The following ZNF41 variants were observed in gnomAD, a reference collection of about 807,000 sequenced individuals.
The protein encoded by ZNF41 is zinc finger protein 41.
A neutral mutation model predicts 9.3 loss-of-function variants in ZNF41; 6 were observed. The observed-to-expected ratio is 0.65, with a 90% CI of 0.35 to 1.28. The LOEUF (loss-of-function observed/expected upper bound fraction) is 1.28, where lower values mean the gene tolerates loss of function less well. ZNF41 is among the 50% of genes most tolerant of loss of function. ZNF41 has a pLI of 0.03. For synonymous variants in ZNF41, 192 were observed against 207.1 expected, an observed-to-expected ratio of 0.93 and a Z score of 0.63; for missense variants, 523 against 585.8, an observed-to-expected ratio of 0.89 and a Z score of 1.11.
chrX:47,453,008 A>T (rs2056423992), intron 4 of ZNF41, among the ~76,000 whole-genome samples: 1 of 112,626 alleles, frequency 8.9e-6, no homozygotes, highest in South Asian at 3.7e-4. Context: ...ATTTCAAAAC[A>T]TCATGTTGTA....
intron 4 of ZNF41, 33 bp downstream of exon 4, chrX:47,455,888 A>T: frequency 8.6e-7 from 1 of 1,161,902 alleles, no homozygotes; most frequent in Non-Finnish European, 1.2e-6. Flanking sequence ...ACTGACTTCC[A>T]TGTCCCCATC....
chrX:47,459,764 A>AAAAAAAAAAG (rs1456368840), intron 2 of ZNF41, among the ~76,000 whole-genome samples: 2 of 101,116 alleles, frequency 2.0e-5, no homozygotes, highest in African/African-American at 8.2e-5. Flanking sequence ...AAAAAAAAAA[A>AAAAAAAAAAG]AAAGAAAGAA....
chrX:47,465,223 T>C (rs181145602), intron 2 of ZNF41, among the ~76,000 whole-genome samples: 49 of 112,556 alleles, frequency 4.4e-4, no homozygotes, highest in African/African-American at 1.6e-3. Context: ...ATCATAGCAG[T>C]TTTAATCACA....
At chrX:47,453,728 G>A (rs1032695406) in intron 4 of ZNF41, among the ~76,000 whole-genome samples, 10 of 112,047 alleles carry the variant, frequency 8.9e-5, no homozygotes, top group African/African-American at 3.2e-4. Flanking sequence ...AAAAACAATG[G>A]AATCAGCAAA....
intron 2 of ZNF41, among the ~76,000 whole-genome samples, chrX:47,462,683 G>A (rs2056840382): frequency 9.1e-6 from 1 of 110,320 alleles, no homozygotes; most frequent in Non-Finnish European, 1.9e-5. Flanking sequence ...CTAATCTCTA[G>A]TCTCCTGATT....
At chrX:47,465,962 T>A (rs1269721404) in intron 2 of ZNF41, among the ~76,000 whole-genome samples, 1 of 111,912 alleles carries the variant, frequency 8.9e-6, no homozygotes, top group Non-Finnish European at 1.9e-5. Context: ...TGATTCTGTT[T>A]TAAAACTTTA....
intron 1 of ZNF41, among the ~76,000 whole-genome samples, chrX:47,480,934 G>C (rs2057455432): frequency 9.1e-6 from 1 of 109,944 alleles, no homozygotes; most frequent in Admixed American, 9.9e-5. Flanking sequence ...AAAGTAGTTT[G>C]GTGGTATGTA....
rs1185662722 is a variant in ZNF41 at position 47,448,735 on chromosome X, A to G, written c.1035T>C (p.His345=). 1 of 1,209,827 alleles carries G rather than the reference A, an allele frequency of 8.3e-7. No individual in the cohort carries two copies. The highest frequency in any genetic ancestry group is 1.8e-5 in the African/African-American group (1 of 57,132). ...GTTTCTGCCCGGTATGAATTTTTTG[A>G]TGTGTAATGAGGTTTGATTTGAGGG... is the stretch of plus-strand genomic sequence containing the variant. ...VFTLKSNLIT[H]QKIHTGQKPY... The change falls in exon 5 of 5, where the codon CAT becomes CAC. Residue 345 remains histidine (H), a synonymous_variant. Transcript: ENST00000684689.
intron 1 of ZNF41, among the ~76,000 whole-genome samples, chrX:47,469,667 C>T (rs1242537304): frequency 8.9e-6 from 1 of 111,774 alleles, no homozygotes; most frequent in Non-Finnish European, 1.9e-5. Flanking sequence ...ATCACGAAGT[C>T]AGGAGATCAA....
At chrX:47,467,845 A>C in intron 1 of ZNF41, 85 bp from the exon 2 acceptor site, 1 of 247,291 alleles carries the variant, frequency 4.0e-6, no homozygotes, top group South Asian at 7.2e-5. Flanking sequence ...GTGTAAAATG[A>C]ATGAGGGTTT....
At chrX:47,478,646 G>A (rs931159902) in intron 1 of ZNF41, among the ~76,000 whole-genome samples, 1 of 111,699 alleles carries the variant, frequency 9.0e-6, no homozygotes, top group Non-Finnish European at 1.9e-5. Context: ...ATTAGGCTAA[G>A]TTAAAGAAAA....
At chrX:47,462,942 T>TACAC (rs1437920546) in intron 2 of ZNF41, among the ~76,000 whole-genome samples, 1 of 67,127 alleles carries the variant, frequency 1.5e-5, no homozygotes, top group African/African-American at 4.2e-5. Flanking sequence ...CACATATATA[T>TACAC]ATATACACAC....
chrX:47,458,918 G>A (rs762473875), intron 2 of ZNF41, among the ~76,000 whole-genome samples: 4 of 109,927 alleles, frequency 3.6e-5, no homozygotes, highest in East Asian at 2.9e-4. Context: ...CACTGTGCCC[G>A]GCCTGCCAAG....
chrX:47,473,929 G>A (rs113747361), intron 1 of ZNF41, among the ~76,000 whole-genome samples: 2,610 of 111,727 alleles, frequency 0.023, 82 homozygotes, highest in African/African-American at 0.081. Flanking sequence ...ATTCATACCA[G>A]AGAAAGGAAA....
At position 47,466,815 on chromosome X, in the gene ZNF41, C is replaced by T. The variant is rs2057005606; in HGVS notation, c.72+595G>A. On this transcript the variant is annotated intron_variant, in intron 2 of 4. Transcript: ENST00000684689. The stretch of plus-strand genomic sequence containing the variant: ...GATTACAGGCATGAGCCACCGTGCC[C>T]GGCCATTTTATTCGTCTTTGAAAGA... Among the ~76,000 whole-genome samples, 4 of 111,752 alleles carry T rather than the reference C, an allele frequency of 3.6e-5. No homozygotes were observed. The South Asian group carries it at 1.5e-3, about 42-fold the overall frequency.
intron 4 of ZNF41, among the ~76,000 whole-genome samples, chrX:47,452,781 G>A (rs7878900): frequency 0.028 from 3,170 of 111,406 alleles, 95 homozygotes; most frequent in African/African-American, 0.096. Flanking sequence ...TAGTAGAGAC[G>A]GGGTTTCACC....
chrX:47,455,785 A>G, intron 4 of ZNF41, 136 bp downstream of exon 4: 1 of 575,397 alleles, frequency 1.7e-6, no homozygotes, highest in Admixed American at 2.7e-5. Flanking sequence ...GCTATTGTCA[A>G]CTATCTCCAA....
intron 2 of ZNF41, among the ~76,000 whole-genome samples, chrX:47,461,019 A>G (rs983346375): frequency 1.9e-4 from 21 of 111,744 alleles, no homozygotes; most frequent in African/African-American, 6.8e-4. Context: ...AAAAACAGTG[A>G]TTTTAAAAAA....
Position 47,447,668 on chromosome X carries a change from G to C in ZNF41, c.2102C>G (p.Thr701Ser). 8.3e-7 allele frequency: 1 copy of C among 1,211,215 alleles called. No homozygotes were observed. Among genetic ancestry groups the C allele is most frequent in the Non-Finnish European group, 1.1e-6 (1 of 895,309 alleles). ...YECGDCGKTF[T>S]WKSRLNIHQK... ...ATGTATATTGAGGCGTGACTTCCAG[G>C]TGAAGGTTTTCCCGCAGTCACCACA... The change falls in exon 5 of 5, where the codon ACC (threonine) becomes AGC (serine). Residue 701 changes from threonine (T) to serine (S), a missense_variant. Coordinates refer to ENST00000684689, the MANE Select transcript of ZNF41 (RefSeq NM_001324144.2).
Sources: allele counts gnomAD v4.1 joint callset (sites outside exome capture counted in the v4.1 genomes callset), GRCh38; gene constraint gnomAD v4.1.1; transcripts MANE v1.5; gene names NCBI Gene and HGNC (gene_info 2026-07-23, HGNC 2026-07-21).